Variants in GPC5 observed in about 807,000 individuals in gnomAD.
GPC5 encodes glypican-5.
A neutral mutation model predicts 53.9 loss-of-function variants in GPC5; 47 were observed. The ratio of observed to expected loss-of-function variants is 0.87; its 90% CI spans 0.69 to 1.11. GPC5 has a LOEUF of 1.11. GPC5 is among the 50% of genes most tolerant of loss of function. GPC5 has a pLI of 0.00. For missense variants in GPC5, 748 were observed against 713.1 expected (o/e 1.05, Z -0.56); for synonymous variants, 286 against 263.3 (o/e 1.09, Z -0.84).
chr13:92,412,856 T>G (rs762927813), intron 7 of GPC5, among the ~76,000 whole-genome samples: 1 of 152,216 alleles, frequency 6.6e-6, no homozygotes, highest in Non-Finnish European at 1.5e-5. Flanking sequence ...ATACATTACT[T>G]TGCTAAAAGC....
chr13:92,472,352 C>A (rs1251672438), intron 7 of GPC5, among the ~76,000 whole-genome samples: 2 of 152,214 alleles, frequency 1.3e-5, no homozygotes. Context: ...ACCAATGCTA[C>A]TCCTGGTCTG....
chr13:92,602,243 TATATA>T lies in GPC5; in HGVS notation c.1562-264038_1562-264034del, dbSNP rs1884097881. 2.2e-5 allele frequency among the ~76,000 whole-genome samples: 3 copies of T among 137,394 alleles called. 1 individual carries two copies. The Admixed American group carries it at 2.2e-4, about 10-fold the overall frequency. The allele number at this position is 137,394 out of a possible 152,430, so 90.1% of individuals were successfully genotyped here. A position where few individuals can be genotyped will look rare whatever the true frequency, so the allele number is the denominator to read the frequency against. On this transcript the variant is annotated intron_variant, in intron 7 of 7. Transcript: ENST00000377067. ...TAAATATATATATAACATATATATA[TATATA>T]TATATATATATATATGCACACACAC...
intron 5 of GPC5, among the ~76,000 whole-genome samples, chr13:91,786,539 T>TA (rs757360035): frequency 2.0e-5 from 3 of 152,274 alleles, no homozygotes; most frequent in South Asian, 4.1e-4. Flanking sequence ...GTTACGTGTT[T>TA]AAAAAAACAT....
chr13:92,135,794 A>T (rs978467779), intron 6 of GPC5, among the ~76,000 whole-genome samples: 9 of 152,230 alleles, frequency 5.9e-5, no homozygotes, highest in Non-Finnish European at 1.3e-4. Flanking sequence ...AAAAGCAAAC[A>T]CTGACAAGAA....
chr13:92,607,753 ATACT>A (rs1884301412), intron 7 of GPC5, among the ~76,000 whole-genome samples: 1 of 152,196 alleles, frequency 6.6e-6, no homozygotes. Flanking sequence ...ATTTCATCAC[ATACT>A]TACTATTTTT....
At chr13:92,709,641 A>T (rs1042873939) in intron 7 of GPC5, 1 of 152,158 alleles carries the variant, frequency 6.6e-6, no homozygotes, top group Non-Finnish European at 1.5e-5. Flanking sequence ...TTCTGCTCAA[A>T]ATTAGCACTC....
intron 7 of GPC5, among the ~76,000 whole-genome samples, chr13:92,844,772 T>G (rs1008058066): frequency 1.3e-5 from 2 of 152,184 alleles, no homozygotes; most frequent in African/African-American, 2.4e-5. Context: ...CAAAAAATAC[T>G]GAATATGGTT....
chr13:91,444,767 G>A (rs965777316), intron 1 of GPC5, among the ~76,000 whole-genome samples: 4 of 152,132 alleles, frequency 2.6e-5, no homozygotes, highest in African/African-American at 9.7e-5. Context: ...TTACTGGGGT[G>A]GGGACTGCTC....
chr13:92,294,180 T>G (rs2043017580), intron 7 of GPC5, among the ~76,000 whole-genome samples: 1 of 152,174 alleles, frequency 6.6e-6, no homozygotes. Context: ...TTTCCTGGTT[T>G]TGGTATTAGT....
At chr13:91,895,154 G>A (rs1400954196) in intron 5 of GPC5, among the ~76,000 whole-genome samples, 1 of 152,124 alleles carries the variant, frequency 6.6e-6, no homozygotes, top group Middle Eastern at 3.4e-3. Context: ...GCTCTCAAGG[G>A]GCTCAGGTGG....
chr13:91,725,980 T>A (rs966118123), intron 3 of GPC5, among the ~76,000 whole-genome samples: 7 of 152,196 alleles, frequency 4.6e-5, no homozygotes, highest in African/African-American at 1.7e-4. Flanking sequence ...TGTGGCCAAA[T>A]AATCTTACTC....
chr13:91,813,939 T>G lies in GPC5; in HGVS notation c.1280+57519T>G, dbSNP rs1160881955. ...TAACTGATTTTTTTTTTTTTTTTTT[T>G]TTTTTTTTTTTGAGACAGAGTATTG... On this transcript the variant is annotated intron_variant, in intron 5 of 7. Transcript: ENST00000377067. Among the ~76,000 whole-genome samples, 22 of 129,858 alleles carry G rather than the reference T, an allele frequency of 1.7e-4. No individual in the cohort carries two copies. In the East Asian group the frequency reaches 5.9e-3, roughly 35 times the overall value. 85.2% of individuals were successfully genotyped at this position (129,858 alleles called of 152,430 possible). A position where few individuals can be genotyped will look rare whatever the true frequency, so the allele number is the denominator to read the frequency against.
intron 7 of GPC5, among the ~76,000 whole-genome samples, chr13:92,862,552 T>C (rs893457060): frequency 6.6e-6 from 1 of 152,062 alleles, no homozygotes; most frequent in Non-Finnish European, 1.5e-5. Context: ...GATAGATATA[T>C]AGATATATAG....
chr13:92,018,719 T>C (rs2040729927), intron 6 of GPC5, among the ~76,000 whole-genome samples: 1 of 152,142 alleles, frequency 6.6e-6, no homozygotes, highest in Non-Finnish European at 1.5e-5. Context: ...TAATAGGTCC[T>C]TTTTTCTATG....
chr13:91,820,632 A>G (rs542806023), intron 5 of GPC5, among the ~76,000 whole-genome samples: 3 of 152,332 alleles, frequency 2.0e-5, no homozygotes, highest in South Asian at 2.1e-4. Flanking sequence ...GAAACTTATT[A>G]TAAGTCTGCA....
intron 7 of GPC5, among the ~76,000 whole-genome samples, chr13:92,522,596 C>T (rs1881104469): frequency 6.6e-6 from 1 of 151,796 alleles, no homozygotes; most frequent in African/African-American, 2.4e-5. Context: ...GGAAGGGGAA[C>T]ATCACACACT....
At chr13:92,127,510 T>G (rs2138956646) in intron 6 of GPC5, among the ~76,000 whole-genome samples, 1 of 152,256 alleles carries the variant, frequency 6.6e-6, no homozygotes, top group African/African-American at 2.4e-5. Context: ...TAAACAGGGT[T>G]CAAGGAGTAG....
At chr13:91,502,738 G>A (rs1322242847) in intron 2 of GPC5, among the ~76,000 whole-genome samples, 1 of 152,186 alleles carries the variant, frequency 6.6e-6, no homozygotes, top group African/African-American at 2.4e-5. Flanking sequence ...TTATAGCATG[G>A]CAGGTAATGT....
chr13:91,797,034 C>T (rs189556743), intron 5 of GPC5, among the ~76,000 whole-genome samples: 13 of 152,132 alleles, frequency 8.5e-5, no homozygotes, highest in Non-Finnish European at 7.4e-5. Context: ...TAACAATGAT[C>T]ATAATTTCTT....
Sources: allele counts gnomAD v4.1 joint callset (sites outside exome capture counted in the v4.1 genomes callset), GRCh38; gene constraint gnomAD v4.1.1; transcripts MANE v1.5; gene names NCBI Gene and HGNC (gene_info 2026-07-23, HGNC 2026-07-21).